Variants in MAPK4 observed in about 807,000 individuals in gnomAD.
The protein encoded by MAPK4 is mitogen-activated protein kinase 4.
A neutral mutation model predicts 47.7 loss-of-function variants in MAPK4; 22 were observed. The ratio of observed to expected loss-of-function variants is 0.46; its 90% CI spans 0.33 to 0.66. The LOEUF (loss-of-function observed/expected upper bound fraction) is 0.66. MAPK4 is among the 30% of genes least tolerant of loss of function. The pLI, the probability that MAPK4 is intolerant of heterozygous loss-of-function variation, is 0.02. For synonymous variants in MAPK4, 390 were observed against 365.7 expected, an observed-to-expected ratio of 1.07 and a Z score of -0.76; for missense variants, 736 against 831.7, an observed-to-expected ratio of 0.88 and a Z score of 1.42.
chr18:50,657,286 C>T (rs368955093), intron 1 of MAPK4, among the ~76,000 whole-genome samples: 4 of 152,190 alleles, frequency 2.6e-5, no homozygotes, highest in African/African-American at 9.7e-5. Context: ...TGGTCCTCAA[C>T]AGGGATGGGT....
chr18:50,651,642 G>A (rs1047986031), intron 1 of MAPK4, among the ~76,000 whole-genome samples: 4 of 152,168 alleles, frequency 2.6e-5, no homozygotes, highest in Admixed American at 6.5e-5. Context: ...GGAGGGCAGC[G>A]GACACATGGC....
rs1322930738 is a variant in MAPK4 at position 50,729,473 on chromosome 18, G to A, written c.1383G>A (p.Ser461=). 1.3e-6 allele frequency: 2 copies of A among 1,488,656 alleles called. No homozygotes were observed. Among genetic ancestry groups the A allele is most frequent in the Non-Finnish European group, 1.8e-6 (2 of 1,114,228 alleles). 92.2% of individuals were successfully genotyped at this position (1,488,656 alleles called of 1,614,324 possible). A position where few individuals can be genotyped will look rare whatever the true frequency, so the allele number is the denominator to read the frequency against. ...AGCCCAAGCTCATCCTGGACCTGTC[G>A]CACTGGAAGCAGGCGGCCGGCGCGC... The part of the protein sequence containing the change: ...YSEPKLILDL[S]HWKQAAGAPP... The change falls in exon 6 of 6, where the codon TCG becomes TCA. Residue 461 remains serine, a synonymous_variant. Coordinates refer to ENST00000400384, the MANE Select transcript of MAPK4 (RefSeq NM_002747.4).
chr18:50,626,043 T>G (rs2042775345), intron 1 of MAPK4, among the ~76,000 whole-genome samples: 1 of 152,210 alleles, frequency 6.6e-6, no homozygotes, highest in African/African-American at 2.4e-5. Flanking sequence ...GAGGTTGCAT[T>G]GAAGCCTGAA....
At chr18:50,677,553 GGTTTTTTTTTGTT>G (rs895779323) in intron 2 of MAPK4, among the ~76,000 whole-genome samples, 4 of 148,596 alleles carry the variant, frequency 2.7e-5, no homozygotes, top group Non-Finnish European at 5.9e-5. Context: ...ATGTGTGTAA[GGTTTTTTTTTGTT>G]GTTTTTTTTT....
At chr18:50,632,930 T>A (rs1455610140) in intron 1 of MAPK4, among the ~76,000 whole-genome samples, 3 of 117,992 alleles carry the variant, frequency 2.5e-5, no homozygotes, top group South Asian at 2.6e-4. Flanking sequence ...TGATTTTTTT[T>A]ATATATACCG....
intron 1 of MAPK4, among the ~76,000 whole-genome samples, chr18:50,611,212 T>C (rs2042630253): frequency 6.6e-6 from 1 of 152,210 alleles, no homozygotes; most frequent in African/African-American, 2.4e-5. Context: ...TCACATGACT[T>C]GGAGTAATTG....
chr18:50,608,351 C>T lies in MAPK4; in HGVS notation c.-871+48108C>T, dbSNP rs77365480. 8.6e-3 allele frequency among the ~76,000 whole-genome samples: 1,310 copies of T among 152,322 alleles called. 16 individuals carry two copies. Among genetic ancestry groups the T allele is most frequent in the African/African-American group, 0.029 (1,213 of 41,572 alleles). ...ATAACTTCACTAGGCCATGTGATAG[C>T]AAGTCAGTGAGTAGAGTGGAGTTAA... On this transcript the variant is annotated intron_variant, in intron 1 of 5. Coordinates refer to ENST00000400384, the MANE Select transcript of MAPK4 (RefSeq NM_002747.4).
Position 50,722,838 on chromosome 18 carries a change from C to G in MAPK4, c.853+739C>G, listed in dbSNP as rs1911004356. ...AAGCAGGGTTGAGGGGCTCAGTGTC[C>G]TGCCCACCTGCCTCTCAATCTCCAG... is the stretch of plus-strand genomic sequence containing the variant. On this transcript the variant is annotated intron_variant, in intron 4 of 5. Transcript: ENST00000400384. Among the ~76,000 whole-genome samples the G allele has an allele frequency of 3.3e-5, 5 of 152,290 alleles. No homozygotes were observed. In the South Asian group the frequency reaches 1.0e-3, roughly 32 times the overall value.
At chr18:50,686,638 C>T (rs1359062982) in intron 2 of MAPK4, among the ~76,000 whole-genome samples, 3 of 152,186 alleles carry the variant, frequency 2.0e-5, no homozygotes, top group Admixed American at 6.5e-5. Context: ...TTAAACAGAT[C>T]GAGATTTTTC....
At chr18:50,625,882 GCACACACACA>G (rs58870306) in intron 1 of MAPK4, among the ~76,000 whole-genome samples, 1,604 of 145,418 alleles carry the variant, frequency 0.011, 21 homozygotes, top group African/African-American at 0.021. Flanking sequence ...GTGTGTGTAT[GCACACACACA>G]CACACACACA....
At position 50,665,865 on chromosome 18, in the gene MAPK4, G is replaced by A. The variant is rs73439704; in HGVS notation, c.546+1361G>A. Among the ~76,000 whole-genome samples, 547 of 152,246 alleles carry A rather than the reference G, an allele frequency of 3.6e-3. 1 individual carries two copies. Among genetic ancestry groups the A allele is most frequent in the African/African-American group, 0.013 (533 of 41,556 alleles). ...AACTCTGTAGGAAGGAATGTCCATG[G>A]GCTGGGGCCTGGGGAGGCAGGGAGA... On this transcript the variant is annotated intron_variant, in intron 2 of 5. Transcript: ENST00000400384.
intron 1 of MAPK4, among the ~76,000 whole-genome samples, chr18:50,574,932 G>T (rs1374790028): frequency 6.6e-6 from 1 of 152,162 alleles, no homozygotes; most frequent in South Asian, 2.1e-4. Flanking sequence ...TACCTCACCT[G>T]CAGCCTTCTT....
chr18:50,730,085 C>G lies in MAPK4; in HGVS notation c.*231C>G. The G allele has an allele frequency of 4.7e-6, 2 of 424,638 alleles. No homozygotes were observed. The highest frequency in any genetic ancestry group is 8.3e-6 in the Non-Finnish European group (2 of 240,280). 26.3% of individuals were successfully genotyped at this position (424,638 alleles called of 1,614,324 possible). ...CCCTGGCTTAGGGGTTGATCACTTTCCTAGCAAAGGGGAGACCACATGTGG... is the reference window on the plus strand; with the variant it reads ...CCCTGGCTTAGGGGTTGATCACTTTGCTAGCAAAGGGGAGACCACATGTGG... On this transcript the variant is annotated 3_prime_UTR_variant, in exon 6 of 6. Transcript: ENST00000400384.
At chr18:50,662,928 AG>A in intron 1 of MAPK4, among the ~76,000 whole-genome samples, 160 bp from the exon 2 acceptor site, 1 of 152,240 alleles carries the variant, frequency 6.6e-6, no homozygotes, top group East Asian at 1.9e-4. Context: ...GCACAGCAGG[AG>A]GGTGGCTGGG....
Position 50,674,990 on chromosome 18 carries a change from G to A in MAPK4, c.546+10486G>A, listed in dbSNP as rs115503651. Among the ~76,000 whole-genome samples, 489 of 152,188 alleles carry A rather than the reference G, an allele frequency of 3.2e-3. 3 individuals carry two copies. The highest frequency in any genetic ancestry group is 0.011 in the African/African-American group (444 of 41,510). ...CATCTACCATGTCCCTCTAAATCTC[G>A]GTAGGCTAGAAGCCCCCCTATACAA... On this transcript the variant is annotated intron_variant, in intron 2 of 5. Coordinates refer to ENST00000400384, the MANE Select transcript of MAPK4 (RefSeq NM_002747.4).
Position 50,630,756 on chromosome 18 carries a change from C to T in MAPK4, c.-870-32333C>T, listed in dbSNP as rs146437580. Among the ~76,000 whole-genome samples, 60 of 152,280 alleles carry T rather than the reference C, an allele frequency of 3.9e-4. No individual in the cohort carries two copies. The East Asian group carries it at 0.01, about 26-fold the overall frequency. On this transcript the variant is annotated intron_variant, in intron 1 of 5. Transcript: ENST00000400384. Reference sequence around the variant, plus strand: ...TATTCACAGCCCTCCGCAGTCTGACCACGTCTGCCTTTTGGCTGTGCCGCT... The same window carrying T: ...TATTCACAGCCCTCCGCAGTCTGACTACGTCTGCCTTTTGGCTGTGCCGCT...
At chr18:50,646,096 C>A (rs780089459) in intron 1 of MAPK4, among the ~76,000 whole-genome samples, 4 of 152,298 alleles carry the variant, frequency 2.6e-5, no homozygotes, top group Admixed American at 2.6e-4. Context: ...AGCTAACAGG[C>A]GAGGAAACTG....
rs181213634 is a variant in MAPK4 at position 50,680,233 on chromosome 18, A to G, written c.546+15729A>G. 2.6e-5 allele frequency among the ~76,000 whole-genome samples: 4 copies of G among 151,706 alleles called. 1 individual carries two copies. The highest frequency in any genetic ancestry group is 2.6e-4 in the Admixed American group (4 of 15,246). On this transcript the variant is annotated intron_variant, in intron 2 of 5. Coordinates refer to ENST00000400384, the MANE Select transcript of MAPK4 (RefSeq NM_002747.4). ...CAGCCTTCCAAGTAGCTGGGATTAC[A>G]GGTGCCCACCACCACGCCCAGCTGA...
intron 2 of MAPK4, among the ~76,000 whole-genome samples, chr18:50,688,129 GGCTACA>G (rs1908994627): frequency 6.6e-6 from 1 of 152,178 alleles, no homozygotes; most frequent in Admixed American, 6.5e-5. Context: ...GCCGTTGAGA[GGCTACA>G]GTCTGGTGGG....
Sources: gnomAD v4.1 joint callset for allele counts (sites outside exome capture counted in the v4.1 genomes callset) on GRCh38, gnomAD v4.1.1 for gene constraint, MANE v1.5 for transcripts, NCBI Gene and HGNC (gene_info 2026-07-23, HGNC 2026-07-21) for gene names.